Variants in INPP1 observed in about 807,000 individuals in gnomAD.
INPP1 encodes inositol polyphosphate-1-phosphatase.
A neutral mutation model predicts 23.0 loss-of-function variants in INPP1; 18 were observed. The observed-to-expected ratio is 0.78, with a 90% confidence interval of 0.54 to 1.16. The LOEUF (loss-of-function observed/expected upper bound fraction) is 1.16, where lower values mean the gene tolerates loss of function less well. INPP1 is among the 50% of genes most tolerant of loss of function. The pLI, the probability that INPP1 is intolerant of heterozygous loss-of-function variation, is 0.00. For missense variants in INPP1, 448 were observed against 482.1 expected (o/e 0.93, Z 0.66); for synonymous variants, 164 against 176.3 (o/e 0.93, Z 0.55).
rs1689424790 is a variant in INPP1 at position 190,356,618 on chromosome 2, G to A, written c.-64-3421G>A. The A allele has an allele frequency of 6.6e-6, 1 of 152,122 alleles. No homozygotes were observed. The highest frequency in any genetic ancestry group is 2.1e-4 in the South Asian group (1 of 4,826). The allele number at this position is 152,122 out of a possible 1,614,324, so 9.4% of individuals were successfully genotyped here. A position where few individuals can be genotyped will look rare whatever the true frequency, so the allele number is the denominator to read the frequency against. ...GTGATTTCCGGAGCTTGTAGCCAGG[G>A]TGATTAGCTCGCCTGAGTGTTATTA... On this transcript the variant is annotated intron_variant, in intron 2 of 6. Coordinates refer to ENST00000392329, the MANE Select transcript of INPP1 (RefSeq NM_001128928.2). This position sits in a 1 kb window ranked among gnomAD's most constrained non-coding sequence, Gnocchi z 6.4.
chr2:190,362,136 G>T (rs1427037093), intron 3 of INPP1, among the ~76,000 whole-genome samples: 2 of 152,102 alleles, frequency 1.3e-5, no homozygotes, highest in African/African-American at 4.8e-5. Flanking sequence ...ACATCTGAGA[G>T]TGGGGAAACA....
At chr2:190,357,852 A>G (rs1008147185) in intron 2 of INPP1, among the ~76,000 whole-genome samples, 5 of 152,214 alleles carry the variant, frequency 3.3e-5, no homozygotes, top group African/African-American at 9.7e-5. Flanking sequence ...AACATATACA[A>G]TAGTCAAAGA....
chr2:190,347,840 T>C (rs956349579), intron 1 of INPP1, among the ~76,000 whole-genome samples: 1 of 152,164 alleles, frequency 6.6e-6, no homozygotes, highest in African/African-American at 2.4e-5. Context: ...TCAGCAACTC[T>C]TAAAATGAGG....
Position 190,371,342 on chromosome 2 carries a change from G to T in INPP1, c.1140G>T (p.Arg380=), listed in dbSNP as rs945835305. 11 of 1,562,628 alleles carry T rather than the reference G, an allele frequency of 7.0e-6. No homozygotes were observed. Among genetic ancestry groups the T allele is most frequent in the Middle Eastern group, 1.9e-4 (1 of 5,378 alleles). Residue 380 remains arginine (R), a synonymous_variant, in exon 7 of 7, where the codon CGG becomes CGT. Coordinates refer to ENST00000392329, the MANE Select transcript of INPP1 (RefSeq NM_001128928.2). The surrounding 1 kb of genome is among the most constrained non-coding windows in gnomAD (Gnocchi z 5.3). ...TCATTGCATACAGATCCAGGAAGCG[G>T]CTGGAGACATTCCTGAGCCTCCTGG... The part of the protein sequence containing the change: ...GGLIAYRSRK[R]LETFLSLLVQ...
rs1389181095 is a variant in INPP1 at position 190,347,752 on chromosome 2, C to A, written c.-208-1136C>A. Among the ~76,000 whole-genome samples the A allele has an allele frequency of 2.0e-5, 3 of 152,190 alleles. No homozygotes were observed. The East Asian group carries it at 5.8e-4, about 29-fold the overall frequency. The stretch of plus-strand genomic sequence containing the variant: ...TAATTCATATCAAAGGAGTTAAATT[C>A]AAGTGACCAAAGAAAATTGTTCTTT... On this transcript the variant is annotated intron_variant, in intron 1 of 6. Transcript: ENST00000392329.
At chr2:190,359,882 A>G (rs142076766) in intron 2 of INPP1, 157 bp from the exon 3 acceptor site, 198 of 513,280 alleles carry the variant, frequency 3.9e-4, no homozygotes, top group African/African-American at 3.4e-3. Context: ...GTTAGATTGT[A>G]TCTAGAGTCT....
rs942882237 is a variant in INPP1 at position 190,363,533 on chromosome 2, G to A, written c.265+846G>A. On this transcript the variant is annotated intron_variant, in intron 4 of 6. Coordinates refer to ENST00000392329, the MANE Select transcript of INPP1 (RefSeq NM_001128928.2). This position sits in a 1 kb window ranked among gnomAD's most constrained non-coding sequence, Gnocchi z 4.4. ...AGTTTGTTTGGATTTAATAGTAGAA[G>A]AATAAAATAGTGAACATTAAATACT... Among the ~76,000 whole-genome samples, 25 of 152,054 alleles carry A rather than the reference G, an allele frequency of 1.6e-4. No individual in the cohort carries two copies. The highest frequency in any genetic ancestry group is 5.3e-4 in the African/African-American group (22 of 41,456).
chr2:190,366,232 GCTCT>G (rs777919313), intron 4 of INPP1, among the ~76,000 whole-genome samples: 50 of 118,662 alleles, frequency 4.2e-4, no homozygotes, highest in Middle Eastern at 8.3e-3. Context: ...TCTCTTGCTT[GCTCT>G]CTGTCTCACT....
chr2:190,369,059 A>C, intron 5 of INPP1, 44 bp from the exon 6 acceptor site: 1 of 1,279,688 alleles, frequency 7.8e-7, no homozygotes, highest in Non-Finnish European at 1.1e-6. Flanking sequence ...GAGTCTTCTA[A>C]ATGATCTTTA....
chr2:190,356,201 A>G lies in INPP1; in HGVS notation c.-64-3838A>G, dbSNP rs1353390822. ...AAGTAGCTGAACAAATGCTGGGCTCATTAGCATGGCTGGTGAAAGTGGTTT... is the reference window on the plus strand; with the variant it reads ...AAGTAGCTGAACAAATGCTGGGCTCGTTAGCATGGCTGGTGAAAGTGGTTT... On this transcript the variant is annotated intron_variant, in intron 2 of 6. Coordinates refer to ENST00000392329, the MANE Select transcript of INPP1 (RefSeq NM_001128928.2). This position sits in a 1 kb window ranked among gnomAD's most constrained non-coding sequence, Gnocchi z 6.4. 1.3e-5 allele frequency among the ~76,000 whole-genome samples: 2 copies of G among 152,224 alleles called. No individual in the cohort carries two copies. Among genetic ancestry groups the G allele is most frequent in the East Asian group, 3.8e-4 (2 of 5,202 alleles).
Position 190,369,175 on chromosome 2 carries a change from A to T in INPP1, c.539A>T (p.Gln180Leu), listed in dbSNP as rs1689749492. Residue 180 changes from glutamine (Q) to leucine (L), a missense_variant, in exon 6 of 7, where the codon CAG becomes CTG. By Grantham distance (113) the Gln-to-Leu change is moderately radical. Transcript: ENST00000392329. Reference protein sequence around the residue: ...SNQGIFPCGLQCVTILIGVYD... With the variant: ...SNQGIFPCGLLCVTILIGVYD... ...CAGGGAATCTTCCCCTGTGGACTTCAGTGTGTCACCATTTTAATTGGTGTC... is the reference window on the plus strand; with the variant it reads ...CAGGGAATCTTCCCCTGTGGACTTCTGTGTGTCACCATTTTAATTGGTGTC... The T allele has an allele frequency of 6.2e-7, 1 of 1,609,156 alleles. No individual in the cohort carries two copies. The highest frequency in any genetic ancestry group is 1.3e-5 in the African/African-American group (1 of 74,864).
In INPP1 at chr2:190,363,285, T is replaced by G. The variant is rs1689569575; in HGVS notation, c.265+598T>G. Among the ~76,000 whole-genome samples, 1 of 152,134 alleles carries G rather than the reference T, an allele frequency of 6.6e-6. No individual in the cohort carries two copies. Among genetic ancestry groups the G allele is most frequent in the Non-Finnish European group, 1.5e-5 (1 of 68,026 alleles). ...AGTTGCTCTGTTGCCCAGGCTGGAG[T>G]GCAGTGGCACAATCTCGGTTCACTG... On this transcript the variant is annotated intron_variant, in intron 4 of 6. Coordinates refer to ENST00000392329, the MANE Select transcript of INPP1 (RefSeq NM_001128928.2). The surrounding 1 kb of genome is among the most constrained non-coding windows in gnomAD (Gnocchi z 4.4).
rs1401190882 is a variant in INPP1, at chr2:190,356,655, G to A, written c.-64-3384G>A. 3.9e-5 allele frequency: 6 copies of A among 152,202 alleles called. No individual in the cohort carries two copies. Among genetic ancestry groups the A allele is most frequent in the East Asian group, 3.9e-4 (2 of 5,188 alleles). The allele number at this position is 152,202 out of a possible 1,614,324, so 9.4% of individuals were successfully genotyped here. A position where few individuals can be genotyped will look rare whatever the true frequency, so the allele number is the denominator to read the frequency against. ...CCTGAGTGTTATTAGGGTGTTATAA[G>A]GAGTGTTTCTTGGTTATTCAACAGT... is the stretch of plus-strand genomic sequence containing the variant. On this transcript the variant is annotated intron_variant, in intron 2 of 6. Transcript: ENST00000392329. This position sits in a 1 kb window ranked among gnomAD's most constrained non-coding sequence, Gnocchi z 6.4.
intron 4 of INPP1, among the ~76,000 whole-genome samples, chr2:190,364,444 A>T (rs1175892707): frequency 6.6e-6 from 1 of 151,442 alleles, no homozygotes; most frequent in Non-Finnish European, 1.5e-5. Context: ...CAGGAGGCTG[A>T]GGCAGGAGAA....
Position 190,371,609 on chromosome 2 carries a change from A to G in INPP1, c.*207A>G, listed in dbSNP as rs781587537. 2.0e-4 allele frequency: 87 copies of G among 445,180 alleles called. No individual in the cohort carries two copies. Among genetic ancestry groups the G allele is most frequent in the Non-Finnish European group, 3.1e-4 (80 of 254,730 alleles). The allele number at this position is 445,180 out of a possible 1,614,324, so 27.6% of individuals were successfully genotyped here. On this transcript the variant is annotated 3_prime_UTR_variant, in exon 7 of 7. Coordinates refer to ENST00000392329, the MANE Select transcript of INPP1 (RefSeq NM_001128928.2). This position sits in a 1 kb window ranked among gnomAD's most constrained non-coding sequence, Gnocchi z 5.3. ...TTATATTGGTGTATGAAATTCTTAC[A>G]GTGAATATTGTGCTGTTAGTGCTGC...
chr2:190,359,685 A>G (rs71217541), intron 2 of INPP1: 67,570 of 169,862 alleles, frequency 0.4, 15,706 homozygotes, highest in African/African-American at 0.66. Context: ...TGCTAAGCAT[A>G]TGATCATTCT....
At chr2:190,347,873 C>T (rs1337199036) in intron 1 of INPP1, among the ~76,000 whole-genome samples, 3 of 152,224 alleles carry the variant, frequency 2.0e-5, no homozygotes, top group African/African-American at 4.8e-5. Flanking sequence ...CATGGTGGCT[C>T]ACGCCTGTAA....
chr2:190,358,664 A>G (rs886920899), intron 2 of INPP1, among the ~76,000 whole-genome samples: 2 of 152,254 alleles, frequency 1.3e-5, no homozygotes. Flanking sequence ...CAGCTTAACT[A>G]TAAAACAGGG....
At chr2:190,348,672 C>T (rs1575782829) in intron 1 of INPP1, among the ~76,000 whole-genome samples, 1 of 152,154 alleles carries the variant, frequency 6.6e-6, no homozygotes, top group Non-Finnish European at 1.5e-5. Flanking sequence ...TATTCATGTG[C>T]CATAATGTCT....
Sources: gnomAD v4.1 joint callset for allele counts (sites outside exome capture counted in the v4.1 genomes callset) on GRCh38, gnomAD v4.1.1 for gene constraint, Gnocchi (gnomAD v3.1) non-coding constraint, MANE v1.5 for transcripts, NCBI Gene and HGNC (gene_info 2026-07-23, HGNC 2026-07-21) for gene names.